FAT1: variants seen among roughly 807,000 people sequenced by gnomAD.
The protein encoded by FAT1 is FAT atypical cadherin 1, also known as protocadherin Fat 1.
In FAT1, 171 loss-of-function variants were observed where a neutral mutation model predicts 329.8. The observed-to-expected ratio is 0.52, with a 90% confidence interval of 0.46 to 0.59. The LOEUF (loss-of-function observed/expected upper bound fraction) is 0.59. Among genes scored for constraint, FAT1 ranks in the 20% least tolerant of loss-of-function variants. The probability of loss-of-function intolerance (pLI) is 0.00; values close to 1 mark genes in which losing one functional copy is unlikely to be tolerated. For missense variants in FAT1, 5,672 were observed against 5,774.4 expected (o/e 0.98, Z 0.57); for synonymous variants, 2,233 against 2,228.6 (o/e 1.00, Z -0.06).
At position 186,611,719 on chromosome 4, in the gene FAT1, T is replaced by A. The variant is rs1250744283; in HGVS notation, c.9520A>T (p.Ile3174Phe). The change falls in exon 14 of 27, where the codon ATT becomes TTT. Residue 3174 changes from isoleucine (I) to phenylalanine (F), a missense_variant. This residue lies in a region of FAT1 where 1,706 missense variants were observed against 1,859.1 expected (regional missense o/e 0.92). Coordinates refer to ENST00000441802, the MANE Select transcript of FAT1 (RefSeq NM_005245.4). ...LIDSADGQFS[I>F]NELSGIIQLE... ...TGAATAATTCCAGATAATTCGTTAA[T>A]GGAGAACTGCCCATCAGCAGAGTCA... 6.3e-7 allele frequency: 1 copy of A among 1,592,840 alleles called. No homozygotes were observed. The highest frequency in any genetic ancestry group is 1.8e-5 in the Admixed American group (1 of 56,684).
intron 16 of FAT1, among the ~76,000 whole-genome samples, chr4:186,606,790 T>A (rs1215706792): frequency 6.6e-6 from 1 of 152,228 alleles, no homozygotes; most frequent in African/African-American, 2.4e-5. Context: ...GTGAGATAGC[T>A]TCTTTTTCAG....
chr4:186,709,168 C>T lies in FAT1; in HGVS notation c.660G>A (p.Met220Ile), dbSNP rs2126702056. 1 of 1,613,990 alleles carries T rather than the reference C, an allele frequency of 6.2e-7. No individual in the cohort carries two copies. Among genetic ancestry groups the T allele is most frequent in the Non-Finnish European group, 8.5e-7 (1 of 1,179,886 alleles). Residue 220 changes from methionine (M) to isoleucine (I), a missense_variant, in exon 2 of 27, where the codon ATG becomes ATA. Coordinates refer to ENST00000441802, the MANE Select transcript of FAT1 (RefSeq NM_005245.4). ...TGCCACGGTCCGCAGCGAGGATTTC[C>T]ATCTCATAGAGCTTGGTCTCTAGGT... is the stretch of plus-strand genomic sequence containing the variant. ...LDYLETKLYE[M>I]EILAADRGMK...
At chr4:186,723,256 G>A (rs930585192) in intron 1 of FAT1, among the ~76,000 whole-genome samples, 4 of 152,214 alleles carry the variant, frequency 2.6e-5, no homozygotes, top group Admixed American at 2.0e-4. Flanking sequence ...AACACCCAGA[G>A]ACCCAGGGAC....
Position 186,597,771 on chromosome 4 carries a change from G to A in FAT1, c.12279C>T (p.Cys4093=), listed in dbSNP as rs2126399914. The A allele has an allele frequency of 6.2e-7, 1 of 1,613,798 alleles. No individual in the cohort carries two copies. Among genetic ancestry groups the A allele is most frequent in the South Asian group, 1.1e-5 (1 of 91,074 alleles). The part of the protein sequence containing the change: ...TGQRCQLSPY[C]KDEPCKNGGT... Reference sequence around the variant, plus strand: ...CGCCATTCTTACAGGGTTCATCTTTGCAGTATGGACTAAGCTGACACCTGA... The same window carrying A: ...CGCCATTCTTACAGGGTTCATCTTTACAGTATGGACTAAGCTGACACCTGA... Residue 4093 remains cysteine (C), a synonymous_variant, in exon 24 of 27, where the codon TGC becomes TGT. Coordinates refer to ENST00000441802, the MANE Select transcript of FAT1 (RefSeq NM_005245.4).
rs766566961 is a variant in FAT1, at chr4:186,609,200, G to A, written c.10189C>T (p.Leu3397Phe). Residue 3397 changes from leucine (L) to phenylalanine (F), a missense_variant, in exon 16 of 27, where the codon CTT (leucine) becomes TTT (phenylalanine). Transcript: ENST00000441802. ...PVRGEVKVTK[L>F]LDRETISGYT... ...TCACTTACCGTTTCTCGGTCGAGAA[G>A]TTTGGTCACTTTGACTTCTCCCCTG... The A allele has an allele frequency of 1.2e-6, 2 of 1,613,102 alleles. No individual in the cohort carries two copies. Among genetic ancestry groups the A allele is most frequent in the Non-Finnish European group, 1.7e-6 (2 of 1,179,614 alleles).
At chr4:186,724,579 C>A (rs141493611), upstream of FAT1, among the ~76,000 whole-genome samples, 12 of 152,316 alleles carry the variant, frequency 7.9e-5, no homozygotes, top group Middle Eastern at 3.4e-3. This position sits in a 1 kb window ranked among gnomAD's most constrained non-coding sequence, Gnocchi z 5.3. Context: ...AAGCGTGACC[C>A]CAGGCCGACA....
chr4:186,612,677 C>G (rs1382093760), intron 13 of FAT1, among the ~76,000 whole-genome samples: 1 of 152,186 alleles, frequency 6.6e-6, no homozygotes, highest in African/African-American at 2.4e-5. Context: ...TTATTCTCTG[C>G]TATCAAATGC....
intron 2 of FAT1, among the ~76,000 whole-genome samples, chr4:186,668,792 T>C (rs913553362): frequency 1.3e-5 from 2 of 152,166 alleles, no homozygotes; most frequent in African/African-American, 2.4e-5. Flanking sequence ...CACATTTCCA[T>C]TGGGAAGACT....
intron 4 of FAT1, among the ~76,000 whole-genome samples, chr4:186,638,300 A>G (rs1044015042): frequency 1.6e-4 from 25 of 152,178 alleles, no homozygotes; most frequent in African/African-American, 5.8e-4. Context: ...ATTCACGGAG[A>G]AAAGAGGACT....
chr4:186,709,095 C>A lies in FAT1; in HGVS notation c.733G>T (p.Val245Leu), dbSNP rs2126701481. 1 of 1,613,806 alleles carries A rather than the reference C, an allele frequency of 6.2e-7. No individual in the cohort carries two copies. The highest frequency in any genetic ancestry group is 1.1e-5 in the South Asian group (1 of 91,076). Residue 245 changes from valine (V) to leucine (L), a missense_variant, in exon 2 of 27, where the codon GTG (valine) becomes TTG (leucine). Physicochemically the swap from Val to Leu is conservative, Grantham distance 32. Coordinates refer to ENST00000441802, the MANE Select transcript of FAT1 (RefSeq NM_005245.4). ...CATTCATTGGCCTGTTCGATGTGCA[C>A]CGTTAGCTTGGCCATGCTGCTGATG... ...SGISSMAKLT[V>L]HIEQANECAP... is the part of the protein sequence containing the mutation.
At chr4:186,688,595 T>C (rs1327069691) in intron 2 of FAT1, among the ~76,000 whole-genome samples, 1 of 152,096 alleles carries the variant, frequency 6.6e-6, no homozygotes, top group African/African-American at 2.4e-5. Context: ...TCAAGCTTTA[T>C]TGACGAATTC....
At chr4:186,594,152 A>G (rs1163116794) in intron 26 of FAT1, among the ~76,000 whole-genome samples, 1 of 151,868 alleles carries the variant, frequency 6.6e-6, no homozygotes, top group Non-Finnish European at 1.5e-5. Flanking sequence ...TGCAAGCTAC[A>G]ACTCCCGGGC....
chr4:186,619,721 C>G lies in FAT1; in HGVS notation c.6865G>C (p.Ala2289Pro), dbSNP rs1579332141. 1 of 1,614,000 alleles carries G rather than the reference C, an allele frequency of 6.2e-7. No homozygotes were observed. Among genetic ancestry groups the G allele is most frequent in the South Asian group, 1.1e-5 (1 of 91,080 alleles). The change falls in exon 10 of 27, where the codon GCG becomes CCG. Residue 2289 changes from alanine (A) to proline (P), a missense_variant. Ala to Pro is a conservative substitution (Grantham distance 27). Coordinates refer to ENST00000441802, the MANE Select transcript of FAT1 (RefSeq NM_005245.4). ...ACAGATGCCTCAGACAGGGTCACCG[C>G]ATAAGACTGCTGAGCAAACACAGGA... is the stretch of plus-strand genomic sequence containing the variant. Reference protein sequence around the residue: ...NPPVFAQQSYAVTLSEASVIG... With the variant: ...NPPVFAQQSYPVTLSEASVIG...
rs1164651435 is a variant in FAT1 at position 186,628,600 on chromosome 4, C to T, written c.4487G>A (p.Ser1496Asn). ...TTTCTTGAGACTCAGTGGATCTCTACTGCTCTGCAGAGTGTAGATTAGTTT... is the reference window on the plus strand; with the variant it reads ...TTTCTTGAGACTCAGTGGATCTCTATTGCTCTGCAGAGTGTAGATTAGTTT... The part of the protein sequence containing the change: ...KNKLIYTLQS[S>N]RDPLSLKKFR... The change falls in exon 8 of 27, where the codon AGT becomes AAT. Residue 1496 changes from serine to asparagine, a missense_variant. By Grantham distance (46) the Ser-to-Asn change is conservative. Transcript: ENST00000441802. The T allele has an allele frequency of 1.2e-6, 2 of 1,613,996 alleles. No homozygotes were observed. The highest frequency in any genetic ancestry group is 1.7e-5 in the Admixed American group (1 of 60,022).
At chr4:186,702,096 C>G (rs1056867440) in intron 2 of FAT1, among the ~76,000 whole-genome samples, 4 of 151,696 alleles carry the variant, frequency 2.6e-5, no homozygotes, top group Non-Finnish European at 4.4e-5. Context: ...GTGACACAGA[C>G]ATGAGGCCAG....
chr4:186,609,009 T>C (rs893604443), intron 16 of FAT1, among the ~76,000 whole-genome samples, 174 bp downstream of exon 16: 3 of 152,208 alleles, frequency 2.0e-5, no homozygotes, highest in African/African-American at 7.2e-5. Flanking sequence ...ATGGAACACA[T>C]TTCTCACATT....
intron 2 of FAT1, among the ~76,000 whole-genome samples, chr4:186,700,975 C>T (rs1192139773): frequency 5.3e-5 from 8 of 152,198 alleles, no homozygotes; most frequent in African/African-American, 1.7e-4. Context: ...CCTGCACACT[C>T]TGAGAATTAC....
In FAT1 at chr4:186,676,286, A is replaced by C. The variant is rs1742956028; in HGVS notation, c.3266-12673T>G. On this transcript the variant is annotated intron_variant, in intron 2 of 26. Transcript: ENST00000441802. The stretch of plus-strand genomic sequence containing the variant: ...ATGTCAATTCATTTTGTGAAAAAAA[A>C]AAACAAAAAAAAACAGGGAGAAGAG... Among the ~76,000 whole-genome samples the C allele has an allele frequency of 2.7e-5, 4 of 150,648 alleles. No homozygotes were observed. The South Asian group carries it at 8.3e-4, about 31-fold the overall frequency.
rs1187196601 is a variant in FAT1, at chr4:186,679,423, A to AT, written c.3266-15811_3266-15810insA. ...CAGAGTGAGACTCTGTCTCAAAAAA[A>AT]AAAAAAAAAAAAAAAAAAAATGGGG... On this transcript the variant is annotated intron_variant, in intron 2 of 26. Transcript: ENST00000441802. Among the ~76,000 whole-genome samples the AT allele has an allele frequency of 2.7e-5, 4 of 145,878 alleles. No homozygotes were observed. In the East Asian group the frequency reaches 7.8e-4, roughly 28 times the overall value.
Sources: allele counts gnomAD v4.1 joint callset (sites outside exome capture counted in the v4.1 genomes callset), GRCh38; gene constraint gnomAD v4.1.1; regional missense constraint gnomAD v4.1.1; non-coding constraint Gnocchi (gnomAD v3.1); transcripts MANE v1.5; gene names NCBI Gene and HGNC (gene_info 2026-07-23, HGNC 2026-07-21).